The following MAN2C1 variants were observed in gnomAD, a reference collection of about 807,000 sequenced individuals.
MAN2C1 encodes the protein alpha-mannosidase 2C1.
A neutral mutation model predicts 126.9 loss-of-function variants in MAN2C1; 111 were observed. That is an observed-to-expected ratio of 0.87 (90% CI 0.75 to 1.02). MAN2C1 has a LOEUF of 1.02. Among genes scored for constraint, MAN2C1 ranks in the 50% least tolerant of loss-of-function variants. MAN2C1 has a pLI of 0.00. For synonymous variants in MAN2C1, 567 were observed against 561.5 expected (o/e 1.01, Z -0.14); for missense variants, 1,363 against 1,364.4 (o/e 1.00, Z 0.02).
At chr15:75,364,832 G>A (rs2072544060) in intron 4 of MAN2C1, among the ~76,000 whole-genome samples, 167 bp from the exon 5 acceptor site, 1 of 152,196 alleles carries the variant, frequency 6.6e-6, no homozygotes, top group Non-Finnish European at 1.5e-5. Flanking sequence ...GGAGGGTTGT[G>A]GTACAAACAC....
chr15:75,356,029 G>A lies in MAN2C1; in HGVS notation c.3000C>T (p.Cys1000=), dbSNP rs370543184. The part of the protein sequence containing the change: ...LSLPVQEAIL[C]DLLERPDPAG... The stretch of plus-strand genomic sequence containing the variant: ...CAGGGTCTGGTCGCTCCAAGAGATC[G>A]CAGCTGGAGAACAGGAGGGGCCATG... Residue 1000 remains cysteine (C), a synonymous_variant, in exon 26 of 26, where the codon TGC becomes TGT. Transcript: ENST00000267978. This position sits in a 1 kb window ranked among gnomAD's most constrained non-coding sequence, Gnocchi z 5.8. 35 of 1,613,924 alleles carry A rather than the reference G, an allele frequency of 2.2e-5. No individual in the cohort carries two copies. The highest frequency in any genetic ancestry group is 1.0e-4 in the Admixed American group (6 of 59,990).
At position 75,358,294 on chromosome 15, in the gene MAN2C1, GCGAGCAGGGAACT is replaced by G; in HGVS notation, c.2441_2453del (p.Glu814AlafsTer91). 1 of 1,614,124 alleles carries G rather than the reference GCGAGCAGGGAACT, an allele frequency of 6.2e-7. No individual in the cohort carries two copies. The highest frequency in any genetic ancestry group is 2.2e-5 in the East Asian group (1 of 44,872). On this transcript the variant is annotated frameshift_variant, in exon 21 of 26. Coordinates refer to ENST00000267978, the MANE Select transcript of MAN2C1 (RefSeq NM_006715.4). LOFTEE classifies it high-confidence loss of function. The stretch of plus-strand genomic sequence containing the variant: ...CATAGGTGGCCTGGGAACTCCGCAC[GCGAGCAGGGAACT>G]CCACCTTCAGGAACTTGTGGGCCTC...
At chr15:75,358,165 G>C (rs373810539) in intron 21 of MAN2C1, 36 bp downstream of exon 21, 1 of 1,611,426 alleles carries the variant, frequency 6.2e-7, no homozygotes, top group Non-Finnish European at 8.5e-7. Flanking sequence ...CAGCCAGGGA[G>C]GAGTCCAAGG....
At chr15:75,365,822 C>T (rs1018283513) in intron 4 of MAN2C1, 5 of 311,058 alleles carry the variant, frequency 1.6e-5, no homozygotes, top group Non-Finnish European at 2.6e-5. Context: ...CGGTGGCTCA[C>T]GCCTGTAATT....
Position 75,361,867 on chromosome 15 carries a change from C to T in MAN2C1, c.1089G>A (p.Lys363=), listed in dbSNP as rs1383857005. The change falls in exon 9 of 26, where the codon AAG becomes AAA. Residue 363 remains lysine, a synonymous_variant. Transcript: ENST00000267978. This position sits in a 1 kb window ranked among gnomAD's most constrained non-coding sequence, Gnocchi z 5.0. ...GQNFFLQEFG[K]MCSEFWLPDT... is the part of the protein sequence containing the mutation. ...GCTCTCAGCCTACCTCAGAGCACAT[C>T]TTCCCAAACTCCTGCAGAAAGAAGT... The T allele has an allele frequency of 6.2e-7, 1 of 1,614,010 alleles. No homozygotes were observed. Among genetic ancestry groups the T allele is most frequent in the African/African-American group, 1.3e-5 (1 of 74,930 alleles).
intron 6 of MAN2C1, chr15:75,363,422 T>C (rs1418966653): frequency 1.2e-5 from 5 of 412,090 alleles, no homozygotes; most frequent in Admixed American, 5.2e-5. Flanking sequence ...CTCCCCACCA[T>C]TGTGACACCA....
Position 75,368,560 on chromosome 15 carries a change from C to T in MAN2C1, c.24G>A (p.Lys8=), listed in dbSNP as rs1202194009. 3 of 1,549,624 alleles carry T rather than the reference C, an allele frequency of 1.9e-6. No individual in the cohort carries two copies. Among genetic ancestry groups the T allele is most frequent in the Non-Finnish European group, 2.6e-6 (3 of 1,147,792 alleles). Residue 8 remains lysine (K), a synonymous_variant, in exon 1 of 26, where the codon AAG becomes AAA. Coordinates refer to ENST00000267978, the MANE Select transcript of MAN2C1 (RefSeq NM_006715.4). MAAAPAL[K]HWRTTLERVE... is the part of the protein sequence containing the mutation. ...CCCGCTCCAGCGTGGTGCGCCAGTG[C>T]TTCAAGGCCGGCGCAGCCGCCATCG...
intron 6 of MAN2C1, 76 bp downstream of exon 6, chr15:75,363,923 C>T (rs2072525884): frequency 6.6e-7 from 1 of 1,511,890 alleles, no homozygotes; most frequent in African/African-American, 1.4e-5. Flanking sequence ...GAGCATCACA[C>T]AGTGCTTCTA....
intron 4 of MAN2C1, chr15:75,365,966 A>C (rs905357399): frequency 1.6e-5 from 7 of 428,210 alleles, no homozygotes; most frequent in African/African-American, 1.5e-4. Context: ...ACACACCTGT[A>C]ATCCCTGCTA....
chr15:75,363,501 G>T (rs982404831), intron 6 of MAN2C1, among the ~76,000 whole-genome samples: 5 of 152,152 alleles, frequency 3.3e-5, no homozygotes, highest in Admixed American at 1.3e-4. Context: ...TGAGGCATCA[G>T]ATTTTGTTGA....
At chr15:75,360,753 C>T in intron 12 of MAN2C1, 65 bp from the exon 13 acceptor site, 2 of 1,583,122 alleles carry the variant, frequency 1.3e-6, no homozygotes, top group Non-Finnish European at 1.7e-6. Context: ...TTCTTCCACA[C>T]CAAAGCAAAG....
rs1270570505 is a variant in MAN2C1 at position 75,364,654 on chromosome 15, TAG to T, written c.432_433del (p.Tyr145CysfsTer21). The T allele has an allele frequency of 9.3e-6, 15 of 1,610,742 alleles. No individual in the cohort carries two copies. The highest frequency in any genetic ancestry group is 1.7e-5 in the Admixed American group (1 of 59,784). On this transcript the variant is annotated frameshift_variant, in exon 5 of 26. Coordinates refer to ENST00000267978, the MANE Select transcript of MAN2C1 (RefSeq NM_006715.4). LOFTEE classifies it high-confidence loss of function. The stretch of plus-strand genomic sequence containing the variant: ...GAGCCCATTGCAGGCTACTTCCACA[TAG>T]AGAGTGAGGCTACAAAGATGGGGAG...
chr15:75,363,206 T>G (rs1438320762), intron 6 of MAN2C1: 1 of 456,584 alleles, frequency 2.2e-6, no homozygotes, highest in Admixed American at 2.3e-5. Context: ...CTCTCACACC[T>G]TACCCTACAT....
chr15:75,360,698 C>T lies in MAN2C1; in HGVS notation c.1461-10G>A, dbSNP rs1364701011. On this transcript the variant is annotated splice_polypyrimidine_tract_variant and intron_variant, in intron 12 of 25. Transcript: ENST00000267978. The stretch of plus-strand genomic sequence containing the variant: ...AGAAGATAGCTGCACCCTGAGGAGA[C>T]CACAAGCCTAGGTCTCCCAGCCTTG... The T allele has an allele frequency of 1.9e-6, 3 of 1,612,668 alleles. No homozygotes were observed. The African/African-American group carries it at 4.0e-5, about 22-fold the overall frequency.
chr15:75,368,434 T>G (rs2072635593), intron 1 of MAN2C1, 49 bp downstream of exon 1: 1 of 1,519,640 alleles, frequency 6.6e-7, no homozygotes, highest in African/African-American at 1.4e-5. Flanking sequence ...AAGGAAAGCT[T>G]GAGGCGCACG....
At chr15:75,357,045 A>G (rs1012907023) in intron 21 of MAN2C1, 143 bp from the exon 22 acceptor site, 9 of 642,112 alleles carry the variant, frequency 1.4e-5, no homozygotes, top group Non-Finnish European at 2.5e-5. Context: ...GGCCCTGGGC[A>G]TGCCACCCAA....
chr15:75,365,122 G>A (rs2072549125), intron 4 of MAN2C1, among the ~76,000 whole-genome samples: 1 of 152,164 alleles, frequency 6.6e-6, no homozygotes, highest in East Asian at 1.9e-4. Context: ...GAGCAAACAC[G>A]ACTTCCTTAG....
Position 75,356,355 on chromosome 15 carries a change from G to C in MAN2C1, c.2832C>G (p.Ser944=), listed in dbSNP as rs996044483. 6.2e-7 allele frequency: 1 copy of C among 1,612,326 alleles called. No homozygotes were observed. Residue 944 remains serine, a synonymous_variant, in exon 24 of 26, where the codon TCC becomes TCG. Coordinates refer to ENST00000267978, the MANE Select transcript of MAN2C1 (RefSeq NM_006715.4). The surrounding 1 kb of genome is among the most constrained non-coding windows in gnomAD (Gnocchi z 5.8). ...LPAPSPAPAT[S]WSAFSVSSPA... The stretch of plus-strand genomic sequence containing the variant: ...GTGAAGACACGGAAAACGCACTCCA[G>C]GAGGTGGCGGGCGCTGGGCTGGGGG...
intron 4 of MAN2C1, among the ~76,000 whole-genome samples, 188 bp from the exon 5 acceptor site, chr15:75,364,853 C>T (rs1309273851): frequency 6.6e-6 from 1 of 152,142 alleles, no homozygotes; most frequent in Non-Finnish European, 1.5e-5. Context: ...CAGATGGATC[C>T]CATGTCTTGC....
Sources: allele counts gnomAD v4.1 joint callset (sites outside exome capture counted in the v4.1 genomes callset), GRCh38; gene constraint gnomAD v4.1.1; non-coding constraint Gnocchi (gnomAD v3.1); transcripts MANE v1.5; gene names NCBI Gene and HGNC (gene_info 2026-07-23, HGNC 2026-07-21).